The following CPQ variants were observed in gnomAD, a reference collection of about 807,000 sequenced individuals.
The protein encoded by CPQ is carboxypeptidase Q, also known as Ser-Met dipeptidase.
Under a neutral mutation model 45.7 loss-of-function variants are expected in CPQ, and 37 were observed. The observed-to-expected ratio is 0.81, with a 90% CI of 0.62 to 1.07. The LOEUF (loss-of-function observed/expected upper bound fraction) is 1.07. CPQ is among the 50% of genes least tolerant of loss of function. The probability of loss-of-function intolerance (pLI) is 0.00; values close to 1 mark genes in which losing one functional copy is unlikely to be tolerated. For missense variants in CPQ, 537 were observed against 572.9 expected, an observed-to-expected ratio of 0.94 and a Z score of 0.64; for synonymous variants, 186 against 205.8, an observed-to-expected ratio of 0.90 and a Z score of 0.82.
At chr8:97,084,278 T>A (rs1811003457) in intron 7 of CPQ, among the ~76,000 whole-genome samples, 1 of 152,166 alleles carries the variant, frequency 6.6e-6, no homozygotes, top group South Asian at 2.1e-4. Context: ...GGAACCAGTT[T>A]TATTTCAAAT....
intron 1 of CPQ, among the ~76,000 whole-genome samples, chr8:96,691,534 A>T (rs756028144): frequency 2.6e-5 from 4 of 152,202 alleles, no homozygotes; most frequent in Admixed American, 6.5e-5. Flanking sequence ...AGTTATATAT[A>T]TAGCAATGTC....
chr8:96,789,527 C>T (rs1299439724), intron 2 of CPQ, among the ~76,000 whole-genome samples: 1 of 152,186 alleles, frequency 6.6e-6, no homozygotes, highest in Non-Finnish European at 1.5e-5. Context: ...TTCCTTTAGA[C>T]AGTTATATTT....
intron 4 of CPQ, among the ~76,000 whole-genome samples, chr8:96,938,757 A>C (rs111237205): frequency 0.023 from 3,500 of 152,284 alleles, 92 homozygotes; most frequent in Middle Eastern, 0.082. Flanking sequence ...TAGTCCATAT[A>C]GGTCAGCCCC....
intron 2 of CPQ, among the ~76,000 whole-genome samples, chr8:96,798,377 A>G (rs1042620322): frequency 1.3e-5 from 2 of 151,974 alleles, no homozygotes; most frequent in Non-Finnish European, 2.9e-5. Context: ...AGCTCAAGTG[A>G]TCTTCCTGAC....
At chr8:96,702,047 C>T (rs540179331) in intron 1 of CPQ, among the ~76,000 whole-genome samples, 45 of 152,272 alleles carry the variant, frequency 3.0e-4, no homozygotes, top group African/African-American at 1.1e-3. Context: ...TCTTTGGTGA[C>T]CCACTAAAAA....
intron 2 of CPQ, among the ~76,000 whole-genome samples, chr8:96,786,051 G>A (rs923369004): frequency 2.0e-5 from 3 of 152,282 alleles, no homozygotes; most frequent in Non-Finnish European, 4.4e-5. Context: ...ATACTATGAT[G>A]TTCATGCATT....
intron 7 of CPQ, among the ~76,000 whole-genome samples, chr8:97,130,267 G>A (rs1369556781): frequency 4.6e-5 from 7 of 152,086 alleles, no homozygotes; most frequent in Non-Finnish European, 1.0e-4. Flanking sequence ...GACTCCTGGT[G>A]TTATTTATAA....
At chr8:96,898,213 G>T (rs1169335893) in intron 4 of CPQ, among the ~76,000 whole-genome samples, 1 of 152,020 alleles carries the variant, frequency 6.6e-6, no homozygotes, top group African/African-American at 2.4e-5. Context: ...TGGTATCCTG[G>T]GCAGTTCAGA....
chr8:96,818,166 G>T (rs1811254466), intron 2 of CPQ, among the ~76,000 whole-genome samples: 1 of 151,912 alleles, frequency 6.6e-6, no homozygotes, highest in African/African-American at 2.4e-5. Context: ...GAAGCCTGAG[G>T]AGAGGGAGAG....
At chr8:97,021,854 A>G (rs1331309464) in intron 5 of CPQ, among the ~76,000 whole-genome samples, 2 of 152,190 alleles carry the variant, frequency 1.3e-5, no homozygotes, top group Non-Finnish European at 2.9e-5. Context: ...CAGAATTTAA[A>G]AGCAAACAAA....
chr8:96,798,632 C>T (rs548756603), intron 2 of CPQ, among the ~76,000 whole-genome samples: 1 of 151,978 alleles, frequency 6.6e-6, no homozygotes, highest in African/African-American at 2.4e-5. Context: ...CTCTGTCTAA[C>T]CTAACCCTAA....
At chr8:96,664,391 T>G (rs1808893035) in intron 1 of CPQ, among the ~76,000 whole-genome samples, 1 of 152,184 alleles carries the variant, frequency 6.6e-6, no homozygotes, top group Non-Finnish European at 1.5e-5. Context: ...TTCAGTTACG[T>G]AGAAGAGGAG....
At chr8:96,788,229 G>A (rs1251447274) in intron 2 of CPQ, among the ~76,000 whole-genome samples, 1 of 150,858 alleles carries the variant, frequency 6.6e-6, no homozygotes, top group Non-Finnish European at 1.5e-5. Flanking sequence ...CACAATCTCA[G>A]CTCACTGCAA....
intron 3 of CPQ, among the ~76,000 whole-genome samples, chr8:96,835,648 C>G (rs2130849227): frequency 6.6e-6 from 1 of 152,256 alleles, no homozygotes; most frequent in East Asian, 1.9e-4. Context: ...TGGATACAGA[C>G]TTGGCTCTGC....
intron 3 of CPQ, among the ~76,000 whole-genome samples, chr8:96,870,543 G>C (rs887377182): frequency 6.6e-6 from 1 of 151,998 alleles, no homozygotes; most frequent in East Asian, 1.9e-4. Flanking sequence ...GCCAGATTCA[G>C]ATTGCCAGGG....
intron 1 of CPQ, among the ~76,000 whole-genome samples, chr8:96,709,260 C>T (rs779174026): frequency 3.9e-5 from 6 of 152,064 alleles, no homozygotes; most frequent in Non-Finnish European, 8.8e-5. Context: ...ACCCTCTCCG[C>T]TTCTGAGTCT....
intron 1 of CPQ, among the ~76,000 whole-genome samples, chr8:96,711,170 C>T (rs1287019718): frequency 6.6e-6 from 1 of 152,028 alleles, no homozygotes; most frequent in African/African-American, 2.4e-5. Flanking sequence ...CTTCCATTTG[C>T]ATGGATTAAC....
intron 1 of CPQ, among the ~76,000 whole-genome samples, chr8:96,766,252 C>A (rs1246398720): frequency 6.6e-6 from 1 of 152,108 alleles, no homozygotes; most frequent in East Asian, 1.9e-4. Context: ...TTTTTCCTCC[C>A]CTCCTACCTC....
At chr8:97,068,572 G>T (rs1810680656) in intron 7 of CPQ, among the ~76,000 whole-genome samples, 1 of 152,188 alleles carries the variant, frequency 6.6e-6, no homozygotes, top group African/African-American at 2.4e-5. Context: ...GGCGGCAGTT[G>T]CAGTGAGCTG....
Sources: allele counts gnomAD v4.1 joint callset (sites outside exome capture counted in the v4.1 genomes callset), GRCh38; gene constraint gnomAD v4.1.1; transcripts MANE v1.5; gene names NCBI Gene and HGNC (gene_info 2026-07-23, HGNC 2026-07-21).